The following LRP1B variants were observed in gnomAD, a reference collection of about 807,000 sequenced individuals.
LRP1B encodes low-density lipoprotein receptor-related protein 1B.
Under a neutral mutation model 556.6 loss-of-function variants are expected in LRP1B, and 217 were observed. The ratio of observed to expected loss-of-function variants is 0.39; its 90% CI spans 0.35 to 0.44. LRP1B has a LOEUF of 0.44. Among genes scored for constraint, LRP1B ranks in the 20% least tolerant of loss-of-function variants. The pLI, the probability that LRP1B is intolerant of heterozygous loss-of-function variation, is 1.00. For missense variants in LRP1B, 5,053 were observed against 5,620.8 expected, an observed-to-expected ratio of 0.90 and a Z score of 3.23; for synonymous variants, 2,047 against 1,865.8, an observed-to-expected ratio of 1.10 and a Z score of -2.50.
intron 82 of LRP1B, among the ~76,000 whole-genome samples, chr2:140,321,557 AAGTT>A (rs1680129301): frequency 6.6e-6 from 1 of 152,102 alleles, no homozygotes; most frequent in African/African-American, 2.4e-5. Context: ...CTCAATTTCT[AAGTT>A]AGTGTTTGGC....
chr2:141,480,241 A>T (rs1682869646), intron 3 of LRP1B, 155 bp downstream of exon 3: 1 of 782,564 alleles, frequency 1.3e-6, no homozygotes, highest in Non-Finnish European at 2.2e-6. Context: ...GCAGCTTTGA[A>T]ATGCATATTA....
intron 1 of LRP1B, among the ~76,000 whole-genome samples, chr2:142,007,469 A>ATTCC (rs1702836824): frequency 6.6e-6 from 1 of 152,202 alleles, no homozygotes; most frequent in Non-Finnish European, 1.5e-5. Context: ...TTATCTAGTC[A>ATTCC]TTAGAATTTT....
chr2:141,462,720 A>C (rs959751524), intron 3 of LRP1B, among the ~76,000 whole-genome samples: 1 of 151,630 alleles, frequency 6.6e-6, no homozygotes, highest in African/African-American at 2.4e-5. Flanking sequence ...CTACAATAAA[A>C]TAAAGCTTAA....
At chr2:140,755,857 T>G (rs576265993) in intron 35 of LRP1B, among the ~76,000 whole-genome samples, 50 of 151,858 alleles carry the variant, frequency 3.3e-4, no homozygotes, top group African/African-American at 1.2e-3. Flanking sequence ...AAAAAAGAAG[T>G]AGAAGGAGAA....
At chr2:140,760,645 G>A (rs1224198000) in intron 35 of LRP1B, among the ~76,000 whole-genome samples, 2 of 152,160 alleles carry the variant, frequency 1.3e-5, no homozygotes, top group Non-Finnish European at 1.5e-5. Flanking sequence ...CAACACTTTG[G>A]GAGGCCAAGG....
chr2:141,159,053 T>C (rs1702136788), intron 7 of LRP1B, among the ~76,000 whole-genome samples: 1 of 152,200 alleles, frequency 6.6e-6, no homozygotes, highest in Non-Finnish European at 1.5e-5. Context: ...CAGTGCTTAG[T>C]AGTCTTCACT....
At position 141,438,428 on chromosome 2, in the gene LRP1B, C is replaced by A. The variant is rs886138986; in HGVS notation, c.343+41968G>T. ...GATTGTGTCCCATTTATCCGCAGAT[C>A]CATGGGTAGAATACACGCATTTTTC... is the stretch of plus-strand genomic sequence containing the variant. On this transcript the variant is annotated intron_variant, in intron 3 of 90. Transcript: ENST00000389484. 4.6e-5 allele frequency among the ~76,000 whole-genome samples: 7 copies of A among 152,244 alleles called. No individual in the cohort carries two copies. In the South Asian group the frequency reaches 1.0e-3, roughly 23 times the overall value.
intron 2 of LRP1B, among the ~76,000 whole-genome samples, chr2:141,771,854 T>G (rs1053207751): frequency 2.6e-5 from 4 of 152,152 alleles, no homozygotes; most frequent in African/African-American, 9.7e-5. Context: ...GTTTTGCTCT[T>G]GTTGCCCAGG....
rs866670273 is a variant in LRP1B, at chr2:140,813,729, C to T, written c.5287G>A (p.Asp1763Asn). 2.5e-6 allele frequency: 4 copies of T among 1,610,870 alleles called. No individual in the cohort carries two copies. The highest frequency in any genetic ancestry group is 3.4e-6 in the Non-Finnish European group (4 of 1,177,188). ...GNGTINRCNLDGGNLEVIESM... is the reference protein window; with the variant it reads ...GNGTINRCNLNGGNLEVIESM... ...TCGATTACTTCTAAATTACCACCAT[C>T]CAGGTTGCATCTATTTATGGTTCCA... The change falls in exon 32 of 91, where the codon GAT becomes AAT. Residue 1763 changes from aspartate (D) to asparagine (N), a missense_variant. Asp to Asn is a conservative substitution (Grantham distance 23). Coordinates refer to ENST00000389484, the MANE Select transcript of LRP1B (RefSeq NM_018557.3).
intron 1 of LRP1B, among the ~76,000 whole-genome samples, chr2:141,882,612 T>G (rs143556723): frequency 2.0e-4 from 31 of 152,282 alleles, no homozygotes; most frequent in African/African-American, 6.3e-4. Flanking sequence ...AGAGAATGAG[T>G]TAATTAAGCA....
intron 2 of LRP1B, among the ~76,000 whole-genome samples, chr2:141,508,999 C>T (rs1380495311): frequency 6.6e-6 from 1 of 152,046 alleles, no homozygotes. Context: ...ACTGACAAGT[C>T]GTAGGGTTGG....
chr2:141,616,772 A>G (rs1688315470), intron 2 of LRP1B, among the ~76,000 whole-genome samples: 1 of 152,218 alleles, frequency 6.6e-6, no homozygotes, highest in African/African-American at 2.4e-5. Context: ...TGTTACTAAG[A>G]CTTTCAAATT....
At chr2:140,308,416 G>A (rs1684155268) in intron 83 of LRP1B, among the ~76,000 whole-genome samples, 1 of 151,784 alleles carries the variant, frequency 6.6e-6, no homozygotes, top group Non-Finnish European at 1.5e-5. Flanking sequence ...TTCCTTCTGA[G>A]CTTTCTGTGA....
At chr2:141,695,281 A>C (rs2105452240) in intron 2 of LRP1B, among the ~76,000 whole-genome samples, 1 of 152,060 alleles carries the variant, frequency 6.6e-6, no homozygotes, top group Admixed American at 6.6e-5. Context: ...CCTGGGGCAA[A>C]TTTACTGCAT....
At chr2:140,728,848 C>T (rs766363729) in intron 35 of LRP1B, among the ~76,000 whole-genome samples, 1 of 152,026 alleles carries the variant, frequency 6.6e-6, no homozygotes, top group Non-Finnish European at 1.5e-5. Context: ...AGTTACTTAA[C>T]CTTTCTTTTT....
chr2:141,260,073 G>A (rs1277705797), intron 3 of LRP1B, among the ~76,000 whole-genome samples: 2 of 152,042 alleles, frequency 1.3e-5, no homozygotes. Context: ...CTCGGTTGTA[G>A]TTTTGTCATC....
At chr2:140,804,649 A>ATTTT (rs869167644) in intron 32 of LRP1B, among the ~76,000 whole-genome samples, 17 of 57,934 alleles carry the variant, frequency 2.9e-4, no homozygotes, top group South Asian at 1.4e-3. Flanking sequence ...GTAAAAACTA[A>ATTTT]TTTTTTTTTT....
At chr2:141,285,254 A>AT (rs1302349989) in intron 3 of LRP1B, among the ~76,000 whole-genome samples, 12 of 150,114 alleles carry the variant, frequency 8.0e-5, no homozygotes, top group Admixed American at 2.7e-4. Flanking sequence ...TGCCCGGCTA[A>AT]TTTTTTTTAT....
At chr2:142,007,563 A>G (rs1702839622) in intron 1 of LRP1B, among the ~76,000 whole-genome samples, 1 of 152,198 alleles carries the variant, frequency 6.6e-6, no homozygotes, top group Non-Finnish European at 1.5e-5. Flanking sequence ...AGCCAGAAGG[A>G]AAGAATCTAT....
Sources: allele counts gnomAD v4.1 joint callset (sites outside exome capture counted in the v4.1 genomes callset), GRCh38; gene constraint gnomAD v4.1.1; transcripts MANE v1.5; gene names NCBI Gene and HGNC (gene_info 2026-07-23, HGNC 2026-07-21).